HTR2C: variants seen among roughly 807,000 people sequenced by gnomAD.
HTR2C encodes 5-hydroxytryptamine receptor 2C, also known as 5-hydroxytryptamine (serotonin) receptor 2C, G protein-coupled.
HTR2C carries 5 observed loss-of-function variants against 21.0 expected under a neutral mutation model. The observed-to-expected ratio is 0.24, with a 90% CI of 0.12 to 0.50. HTR2C has a LOEUF of 0.50. Among genes scored for constraint, HTR2C ranks in the 20% least tolerant of loss-of-function variants. The probability of loss-of-function intolerance (pLI) is 0.98; values close to 1 mark genes in which losing one functional copy is unlikely to be tolerated. For missense variants in HTR2C, 271 were observed against 371.2 expected (o/e 0.73, Z 2.22); for synonymous variants, 150 against 145.3 (o/e 1.03, Z -0.23).
At chrX:114,602,084 C>T (rs1928131245) in intron 1 of HTR2C, among the ~76,000 whole-genome samples, 1 of 82,051 alleles carries the variant, frequency 1.2e-5, no homozygotes, top group African/African-American at 4.5e-5. Context: ...TTAGAGAGTG[C>T]TTAAGGAGAT....
intron 4 of HTR2C, among the ~76,000 whole-genome samples, chrX:114,741,489 C>G (rs1208654903): frequency 1.3e-5 from 1 of 76,742 alleles, no homozygotes; most frequent in Non-Finnish European, 2.4e-5. Context: ...CACCACTGCA[C>G]TCCAGCTTGG....
At chrX:114,708,850 A>C (rs1166927993) in intron 2 of HTR2C, among the ~76,000 whole-genome samples, 2 of 111,140 alleles carry the variant, frequency 1.8e-5, no homozygotes, top group Non-Finnish European at 1.9e-5. Flanking sequence ...TTAATGGACC[A>C]AAGACTTTCT....
rs1204959995 is a variant in HTR2C at position 114,907,687 on chromosome X, CT to C, written c.*278del. On this transcript the variant is annotated 3_prime_UTR_variant, in exon 6 of 6. Coordinates refer to ENST00000276198, the MANE Select transcript of HTR2C (RefSeq NM_000868.4). ...TTGCTCTCCCTCCCTTCTTTCCTTC[CT>C]TTTTTCCTTTCTTCCTTCCTTTCTC... 7.8e-6 allele frequency: 2 copies of C among 256,411 alleles called. No individual in the cohort carries two copies. Among genetic ancestry groups the C allele is most frequent in the East Asian group, 6.1e-5 (1 of 16,357 alleles). The allele number at this position is 256,411 out of a possible 1,213,427, so 21.1% of individuals were successfully genotyped here.
intron 2 of HTR2C, among the ~76,000 whole-genome samples, chrX:114,663,058 T>C (rs1247056750): frequency 9.0e-6 from 1 of 111,731 alleles, no homozygotes; most frequent in Admixed American, 9.6e-5. Context: ...ATTTGCTTGA[T>C]GGAATCTATT....
intron 2 of HTR2C, among the ~76,000 whole-genome samples, chrX:114,620,804 AGATTGAT>A (rs1556401527): frequency 3.6e-5 from 4 of 112,224 alleles, no homozygotes; most frequent in Non-Finnish European, 3.8e-5. Flanking sequence ...ATCTGCTAAA[AGATTGAT>A]GATTTTAAGA....
chrX:114,777,468 G>A (rs2070070238), intron 4 of HTR2C, among the ~76,000 whole-genome samples: 1 of 112,231 alleles, frequency 8.9e-6, no homozygotes, highest in Non-Finnish European at 1.9e-5. Context: ...GGGTTATATA[G>A]TGTAGAATTT....
At chrX:114,829,169 T>C (rs2070700520) in intron 4 of HTR2C, among the ~76,000 whole-genome samples, 1 of 111,904 alleles carries the variant, frequency 8.9e-6, no homozygotes, top group Non-Finnish European at 1.9e-5. Flanking sequence ...TCACCAACAA[T>C]GTATGAGGTT....
At chrX:114,708,847 A>T (rs986160747) in intron 2 of HTR2C, among the ~76,000 whole-genome samples, 17 of 110,836 alleles carry the variant, frequency 1.5e-4, no homozygotes, top group Admixed American at 4.9e-4. Context: ...TATTTAATGG[A>T]CCAAAGACTT....
intron 5 of HTR2C, among the ~76,000 whole-genome samples, chrX:114,904,001 G>C (rs782566340): frequency 8.9e-6 from 1 of 111,747 alleles, no homozygotes; most frequent in East Asian, 2.8e-4. Context: ...TCAACACATT[G>C]TCAGAAAATG....
At chrX:114,737,141 A>G (rs1209654252) in intron 4 of HTR2C, among the ~76,000 whole-genome samples, 3 of 110,902 alleles carry the variant, frequency 2.7e-5, no homozygotes, top group African/African-American at 9.8e-5. Context: ...TAAGAGCAGT[A>G]ATTGACTGGG....
intron 1 of HTR2C, among the ~76,000 whole-genome samples, chrX:114,602,494 T>A: frequency 3.6e-5 from 2 of 54,819 alleles, no homozygotes; most frequent in African/African-American, 1.4e-4. Flanking sequence ...CTTGGTGAGG[T>A]GTGTTTTTAA....
At chrX:114,795,655 A>G (rs1023986976) in intron 4 of HTR2C, among the ~76,000 whole-genome samples, 3 of 111,626 alleles carry the variant, frequency 2.7e-5, no homozygotes, top group African/African-American at 6.5e-5. Flanking sequence ...TGTCAGGTTT[A>G]TCAAAGATCA....
intron 4 of HTR2C, among the ~76,000 whole-genome samples, chrX:114,759,838 A>G (rs1489219198): frequency 9.0e-6 from 1 of 111,587 alleles, no homozygotes; most frequent in Middle Eastern, 4.2e-3. Flanking sequence ...CTTACTGAAC[A>G]TTGGAAATTA....
chrX:114,805,313 C>A (rs782069144), intron 4 of HTR2C, among the ~76,000 whole-genome samples: 1 of 108,086 alleles, frequency 9.3e-6, no homozygotes, highest in Non-Finnish European at 1.9e-5. Context: ...CCTTGGCTAA[C>A]CTTTTTTCTT....
intron 2 of HTR2C, among the ~76,000 whole-genome samples, chrX:114,663,774 T>G (rs782592033): frequency 9.0e-6 from 1 of 111,526 alleles, no homozygotes; most frequent in South Asian, 3.8e-4. Flanking sequence ...CATTTTTGTC[T>G]CTTGAACTGA....
intron 1 of HTR2C, among the ~76,000 whole-genome samples, chrX:114,606,872 G>C (rs1928467866): frequency 9.0e-6 from 1 of 110,835 alleles, no homozygotes; most frequent in Non-Finnish European, 1.9e-5. Flanking sequence ...GGGTGCAAGT[G>C]GGCTGAGTCC....
chrX:114,715,804 A>G (rs782520125), intron 2 of HTR2C, among the ~76,000 whole-genome samples: 1 of 112,060 alleles, frequency 8.9e-6, no homozygotes, highest in African/African-American at 3.2e-5. Flanking sequence ...ATTCATAGCA[A>G]TTATCACGAT....
intron 4 of HTR2C, among the ~76,000 whole-genome samples, chrX:114,843,478 G>A (rs1556466251): frequency 9.0e-6 from 1 of 111,102 alleles, no homozygotes; most frequent in African/African-American, 3.3e-5. Context: ...AATGCCTAAG[G>A]GACCTTTGAG....
chrX:114,812,137 C>T (rs1247072255), intron 4 of HTR2C, among the ~76,000 whole-genome samples: 1 of 108,972 alleles, frequency 9.2e-6, no homozygotes, highest in African/African-American at 3.3e-5. Context: ...GTGTTTTTCC[C>T]TCCCTGTGTC....
Sources: allele counts gnomAD v4.1 joint callset (sites outside exome capture counted in the v4.1 genomes callset), GRCh38; gene constraint gnomAD v4.1.1; transcripts MANE v1.5; gene names NCBI Gene and HGNC (gene_info 2026-07-23, HGNC 2026-07-21).